CA10: variants seen among roughly 807,000 people sequenced by gnomAD.
CA10 encodes the protein carbonic anhydrase 10 (inactive), also known as carbonic anhydrase-related protein 10.
CA10 carries 14 observed loss-of-function variants against 44.2 expected under a neutral mutation model. The observed-to-expected ratio is 0.32, with a 90% CI of 0.21 to 0.50. The LOEUF is 0.50. Among genes scored for constraint, CA10 ranks in the 20% least tolerant of loss-of-function variants. The probability of loss-of-function intolerance (pLI) is 0.99; values close to 1 mark genes in which losing one functional copy is unlikely to be tolerated. For missense variants in CA10, 350 were observed against 409.7 expected (o/e 0.85, Z 1.26); for synonymous variants, 159 against 141.6 (o/e 1.12, Z -0.87).
intron 2 of CA10, among the ~76,000 whole-genome samples, chr17:52,054,398 TGATAA>T: frequency 6.6e-6 from 1 of 152,114 alleles, no homozygotes; most frequent in East Asian, 1.9e-4. Flanking sequence ...CTCTGTCTCC[TGATAA>T]GATGTTATCA....
At chr17:51,678,384 T>C (rs1222148544) in intron 4 of CA10, among the ~76,000 whole-genome samples, 4 of 152,132 alleles carry the variant, frequency 2.6e-5, no homozygotes, top group Non-Finnish European at 5.9e-5. Context: ...TAAAAATATA[T>C]ATGTATATAT....
intron 2 of CA10, 57 bp downstream of exon 2, chr17:52,072,262 C>A: frequency 8.2e-7 from 1 of 1,221,044 alleles, no homozygotes. Context: ...GGAAATAATG[C>A]TAGCCTTCAT....
At position 52,129,631 on chromosome 17, in the gene CA10, C is replaced by T. The variant is rs539194504; in HGVS notation, c.61+28095G>A. On this transcript the variant is annotated intron_variant, in intron 1 of 8. Coordinates refer to ENST00000451037, the MANE Select transcript of CA10 (RefSeq NM_020178.5). ...TTATAGTACCAAAAACAGCTGAGAACGTACATAGTACTAAATAGTAATAAA... is the reference window on the plus strand; with the variant it reads ...TTATAGTACCAAAAACAGCTGAGAATGTACATAGTACTAAATAGTAATAAA... 1.1e-4 allele frequency among the ~76,000 whole-genome samples: 16 copies of T among 152,234 alleles called. No individual in the cohort carries two copies. In the East Asian group the frequency reaches 1.2e-3, roughly 11 times the overall value.
chr17:51,830,954 G>A (rs1908217174), intron 3 of CA10, among the ~76,000 whole-genome samples: 1 of 151,874 alleles, frequency 6.6e-6, no homozygotes, highest in South Asian at 2.1e-4. Context: ...TGAAAGTAAT[G>A]GCAAAAACTG....
intron 3 of CA10, among the ~76,000 whole-genome samples, chr17:51,883,738 C>T (rs1454270479): frequency 1.3e-5 from 2 of 152,190 alleles, no homozygotes; most frequent in Non-Finnish European, 2.9e-5. Context: ...AGGGCTCAGT[C>T]CTTAAGCCTT....
intron 3 of CA10, among the ~76,000 whole-genome samples, chr17:51,840,610 C>T: frequency 6.6e-6 from 1 of 151,984 alleles, no homozygotes; most frequent in Non-Finnish European, 1.5e-5. Flanking sequence ...GTTTTTGACT[C>T]TGGAGAGTAG....
downstream of CA10, chr17:51,630,316 T>C (rs1459295598): frequency 6.6e-6 from 1 of 152,634 alleles, no homozygotes; most frequent in Non-Finnish European, 1.5e-5. Context: ...ACATGGGTAC[T>C]GGGTAACTTG....
chr17:52,013,377 T>C (rs984567441), intron 2 of CA10, among the ~76,000 whole-genome samples: 1 of 151,434 alleles, frequency 6.6e-6, no homozygotes, highest in Non-Finnish European at 1.5e-5. Context: ...AGACCTCCTA[T>C]GGGAAAAAGA....
At chr17:51,673,985 C>G (rs1046804273) in intron 4 of CA10, among the ~76,000 whole-genome samples, 1 of 152,128 alleles carries the variant, frequency 6.6e-6, no homozygotes, top group African/African-American at 2.4e-5. Context: ...CCAGGTTCAT[C>G]TGGAAAACTC....
intron 4 of CA10, among the ~76,000 whole-genome samples, chr17:51,730,792 A>G (rs150701709): frequency 6.6e-6 from 1 of 152,210 alleles, no homozygotes. Flanking sequence ...TTTTCAAAAC[A>G]TTAATAATGG....
Position 51,653,659 on chromosome 17 carries a change from T to C in CA10, c.543A>G (p.Val181=), listed in dbSNP as rs1312637433. Reference sequence around the variant, plus strand: ...GACTTACTTTTATAAATATAGAAACTACCACCAATCCATTTGGACTCTTTG... The same window carrying C: ...GACTTACTTTTATAAATATAGAAACCACCACCAATCCATTTGGACTCTTTG... ...EAAKSPNGLV[V]VSIFIKVSDS... Residue 181 remains valine, a synonymous_variant, in exon 5 of 9, where the codon GTA becomes GTG. Transcript: ENST00000451037. 1 of 1,588,762 alleles carries C rather than the reference T, an allele frequency of 6.3e-7. No homozygotes were observed. The highest frequency in any genetic ancestry group is 8.6e-7 in the Non-Finnish European group (1 of 1,156,944).
chr17:51,893,252 T>C (rs1262304492), intron 3 of CA10, among the ~76,000 whole-genome samples: 1 of 151,988 alleles, frequency 6.6e-6, no homozygotes, highest in African/African-American at 2.4e-5. Flanking sequence ...TGGGTGGAAA[T>C]TGTCTGTACG....
intron 4 of CA10, among the ~76,000 whole-genome samples, chr17:51,718,022 C>T (rs1009852795): frequency 7.5e-5 from 11 of 146,258 alleles, no homozygotes; most frequent in Admixed American, 4.9e-4. Flanking sequence ...GCTCTGAAGA[C>T]GTAAAGGCAT....
intron 2 of CA10, among the ~76,000 whole-genome samples, chr17:52,059,888 A>G (rs1987335186): frequency 6.6e-6 from 1 of 152,202 alleles, no homozygotes; most frequent in Non-Finnish European, 1.5e-5. Context: ...AATTGATGTC[A>G]TAAAGTAAGA....
intron 1 of CA10, among the ~76,000 whole-genome samples, chr17:52,090,170 T>C (rs1988221713): frequency 6.6e-6 from 1 of 152,184 alleles, no homozygotes; most frequent in Non-Finnish European, 1.5e-5. Context: ...ATCAGTAAGA[T>C]AGAGATCAGT....
At chr17:51,735,092 C>A (rs942998584) in intron 4 of CA10, among the ~76,000 whole-genome samples, 7 of 152,152 alleles carry the variant, frequency 4.6e-5, no homozygotes, top group Admixed American at 3.9e-4. Context: ...CTCACAACTG[C>A]TCATGTAATT....
chr17:52,084,312 T>C (rs1165921259), intron 1 of CA10, among the ~76,000 whole-genome samples: 4 of 152,238 alleles, frequency 2.6e-5, no homozygotes, highest in African/African-American at 4.8e-5. Context: ...ATTTATTTTT[T>C]ATGTATATCA....
chr17:51,838,840 A>T (rs1248931151), intron 3 of CA10, among the ~76,000 whole-genome samples: 1 of 152,080 alleles, frequency 6.6e-6, no homozygotes, highest in Non-Finnish European at 1.5e-5. Flanking sequence ...TCTCATCTCC[A>T]CTTCTCCTAT....
intron 2 of CA10, among the ~76,000 whole-genome samples, chr17:52,062,320 G>T (rs1204562813): frequency 2.0e-5 from 3 of 151,958 alleles, no homozygotes; most frequent in Non-Finnish European, 4.4e-5. Flanking sequence ...AAGGAAAGCA[G>T]AATATAAAAA....
Sources: gnomAD v4.1 joint callset for allele counts (sites outside exome capture counted in the v4.1 genomes callset) on GRCh38, gnomAD v4.1.1 for gene constraint, MANE v1.5 for transcripts, NCBI Gene and HGNC (gene_info 2026-07-23, HGNC 2026-07-21) for gene names.